Variants in TAFA4 observed in about 807,000 individuals in gnomAD.
TAFA4 encodes chemokine-like protein TAFA-4.
A neutral mutation model predicts 21.1 loss-of-function variants in TAFA4; 20 were observed. That is an observed-to-expected ratio of 0.95 (90% CI 0.67 to 1.38). The LOEUF is 1.38. Ranked by LOEUF, TAFA4 falls within the 40% of genes most tolerant of loss-of-function variation. The pLI is 0.00. For synonymous variants in TAFA4, 71 were observed against 67.4 expected, an observed-to-expected ratio of 1.05 and a Z score of -0.26; for missense variants, 211 against 180.9, an observed-to-expected ratio of 1.17 and a Z score of -0.95.
At position 68,807,845 on chromosome 3, in the gene TAFA4, G is replaced by A. The variant is rs1703736749; in HGVS notation, c.131-54827C>T. Among the ~76,000 whole-genome samples, 3 of 150,990 alleles carry A rather than the reference G, an allele frequency of 2.0e-5. 1 individual carries two copies. The South Asian group carries it at 6.3e-4, about 32-fold the overall frequency. The stretch of plus-strand genomic sequence containing the variant: ...TTTGCTGAGCTGCATTTGAAGCTGT[G>A]TCATTCACAAAGATTTGACATATAA... On this transcript the variant is annotated intron_variant, in intron 3 of 5. Transcript: ENST00000295569.
chr3:68,922,307 G>A (rs543532374), intron 1 of TAFA4, among the ~76,000 whole-genome samples: 1 of 152,286 alleles, frequency 6.6e-6, no homozygotes, highest in Admixed American at 6.5e-5. Flanking sequence ...TGAGGCCAGG[G>A]AATCTGTTTT....
Position 68,880,720 on chromosome 3 carries a change from A to T in TAFA4, c.130+10T>A, listed in dbSNP as rs775670367. The T allele has an allele frequency of 2.5e-6, 4 of 1,613,104 alleles. No homozygotes were observed. Among genetic ancestry groups the T allele is most frequent in the Non-Finnish European group, 3.4e-6 (4 of 1,179,140 alleles). Reference sequence around the variant, plus strand: ...ATCTCAGCAGTGCATAATGAGCTTAAAGGGCTTACCTGCATGTCCCCGGAG... The same window carrying T: ...ATCTCAGCAGTGCATAATGAGCTTATAGGGCTTACCTGCATGTCCCCGGAG... On this transcript the variant is annotated intron_variant, in intron 3 of 5. Coordinates refer to ENST00000295569, the MANE Select transcript of TAFA4 (RefSeq NM_182522.5).
intron 3 of TAFA4, among the ~76,000 whole-genome samples, chr3:68,865,383 G>A (rs116710838): frequency 0.015 from 2,305 of 151,978 alleles, 63 homozygotes; most frequent in African/African-American, 0.053. Context: ...TGTGTCATGG[G>A]GAGGACCTGA....
rs989681169 is a variant in TAFA4, at chr3:68,827,944, G to A, written c.130+52786C>T. 2.0e-5 allele frequency among the ~76,000 whole-genome samples: 3 copies of A among 152,254 alleles called. No individual in the cohort carries two copies. The South Asian group carries it at 6.2e-4, about 32-fold the overall frequency. On this transcript the variant is annotated intron_variant, in intron 3 of 5. Transcript: ENST00000295569. The stretch of plus-strand genomic sequence containing the variant: ...CCATTGCTTTTGGTGTTTTAGTCAT[G>A]AAGTCCTTGCCCATGCCTATGTCCT...
intron 3 of TAFA4, among the ~76,000 whole-genome samples, chr3:68,841,728 G>A (rs1397452650): frequency 2.6e-5 from 4 of 151,656 alleles, no homozygotes; most frequent in African/African-American, 9.7e-5. Context: ...CCTTGTGTGT[G>A]ATGTTCCCCT....
chr3:68,805,941 A>T (rs1315305479), intron 3 of TAFA4, among the ~76,000 whole-genome samples: 1 of 152,168 alleles, frequency 6.6e-6, no homozygotes, highest in East Asian at 1.9e-4. Context: ...TGTACCCTAA[A>T]ACTTAAAGTA....
chr3:68,758,889 G>C (rs1702709339), intron 3 of TAFA4, among the ~76,000 whole-genome samples: 1 of 152,168 alleles, frequency 6.6e-6, no homozygotes. Flanking sequence ...TGTATACATG[G>C]AGAAAAAGAG....
At chr3:68,800,350 C>T (rs1304094756) in intron 3 of TAFA4, among the ~76,000 whole-genome samples, 4 of 152,158 alleles carry the variant, frequency 2.6e-5, no homozygotes, top group Admixed American at 2.6e-4. Flanking sequence ...TTTTGAGCAA[C>T]TCAGTTTGTG....
intron 1 of TAFA4, among the ~76,000 whole-genome samples, chr3:68,914,891 T>A (rs1004770412): frequency 1.3e-5 from 2 of 152,212 alleles, no homozygotes; most frequent in African/African-American, 4.8e-5. Context: ...TATTGATACA[T>A]GAAAGTTAAA....
At chr3:68,738,798 C>T (rs954950108) in intron 5 of TAFA4, among the ~76,000 whole-genome samples, 8 of 152,166 alleles carry the variant, frequency 5.3e-5, no homozygotes, top group Non-Finnish European at 7.3e-5. Context: ...ACTCTGAAAC[C>T]TTTACTTTAA....
At chr3:68,810,644 G>A (rs931611475) in intron 3 of TAFA4, among the ~76,000 whole-genome samples, 7 of 152,170 alleles carry the variant, frequency 4.6e-5, no homozygotes, top group Non-Finnish European at 8.8e-5. Flanking sequence ...CACCATTGCC[G>A]AGGCTTGAGT....
chr3:68,842,009 G>A (rs942030535), intron 3 of TAFA4, among the ~76,000 whole-genome samples: 12 of 152,092 alleles, frequency 7.9e-5, no homozygotes, highest in Non-Finnish European at 1.5e-4. Flanking sequence ...AGAAACATAC[G>A]TGTGCATGTG....
At chr3:68,876,890 G>T (rs2089555762) in intron 3 of TAFA4, among the ~76,000 whole-genome samples, 1 of 151,972 alleles carries the variant, frequency 6.6e-6, no homozygotes, top group South Asian at 2.1e-4. Flanking sequence ...CATTTCCCAG[G>T]TATTAATTGA....
chr3:68,775,468 C>T (rs539854496), intron 3 of TAFA4, among the ~76,000 whole-genome samples: 66 of 152,214 alleles, frequency 4.3e-4, no homozygotes, highest in African/African-American at 1.4e-3. Flanking sequence ...CAGAAAGCCC[C>T]ACCCTTGGAA....
rs1240226742 is a variant in TAFA4 at position 68,797,198 on chromosome 3, C to T, written c.131-44180G>A. ...AGGACCTGAACAGATATTTGTACAG[C>T]CGTATTCATAGTGATATTATTGCAA... On this transcript the variant is annotated intron_variant, in intron 3 of 5. Coordinates refer to ENST00000295569, the MANE Select transcript of TAFA4 (RefSeq NM_182522.5). 2.6e-5 allele frequency among the ~76,000 whole-genome samples: 4 copies of T among 152,206 alleles called. No individual in the cohort carries two copies. The South Asian group carries it at 6.2e-4, about 24-fold the overall frequency.
At chr3:68,782,518 A>C (rs1703171967) in intron 3 of TAFA4, among the ~76,000 whole-genome samples, 1 of 152,252 alleles carries the variant, frequency 6.6e-6, no homozygotes, top group Non-Finnish European at 1.5e-5. Context: ...ATGAATAAAT[A>C]AAATGTGATA....
In TAFA4 at chr3:68,782,846, A is replaced by C. The variant is rs545321457; in HGVS notation, c.131-29828T>G. 3.3e-5 allele frequency among the ~76,000 whole-genome samples: 5 copies of C among 152,346 alleles called. No individual in the cohort carries two copies. The South Asian group carries it at 8.3e-4, about 25-fold the overall frequency. On this transcript the variant is annotated intron_variant, in intron 3 of 5. Coordinates refer to ENST00000295569, the MANE Select transcript of TAFA4 (RefSeq NM_182522.5). ...GTCATGATGGTTGTACAACATTGTG[A>C]ATGTACTAAGTACCACTGAATTGAA... is the stretch of plus-strand genomic sequence containing the variant.
chr3:68,770,764 GA>G (rs1702940738), intron 3 of TAFA4, among the ~76,000 whole-genome samples: 1 of 152,164 alleles, frequency 6.6e-6, no homozygotes, highest in East Asian at 1.9e-4. Context: ...GATACAGGAA[GA>G]GGGCAGGGAA....
Position 68,821,134 on chromosome 3 carries a change from C to T in TAFA4, c.130+59596G>A, listed in dbSNP as rs569732690. Among the ~76,000 whole-genome samples, 18 of 152,250 alleles carry T rather than the reference C, an allele frequency of 1.2e-4. 1 individual carries two copies. The highest frequency in any genetic ancestry group is 4.3e-4 in the African/African-American group (18 of 41,538). On this transcript the variant is annotated intron_variant, in intron 3 of 5. Coordinates refer to ENST00000295569, the MANE Select transcript of TAFA4 (RefSeq NM_182522.5). ...TTACAAATTCTATAATAATGTCTTC[C>T]ATACATTCAGTGATGCTGAAAAACA...
Sources: gnomAD v4.1 joint callset for allele counts (sites outside exome capture counted in the v4.1 genomes callset) on GRCh38, gnomAD v4.1.1 for gene constraint, MANE v1.5 for transcripts, NCBI Gene and HGNC (gene_info 2026-07-23, HGNC 2026-07-21) for gene names.